The following GNL2 variants were observed in gnomAD, a reference collection of about 807,000 sequenced individuals.
GNL2 encodes the protein nucleolar GTP-binding protein 2.
Under a neutral mutation model 92.3 loss-of-function variants are expected in GNL2, and 51 were observed. The ratio of observed to expected loss-of-function variants is 0.55; its 90% CI spans 0.44 to 0.70. The LOEUF is 0.70. Ranked by LOEUF, GNL2 falls within the 30% of genes least tolerant of loss-of-function variation. The pLI is 0.00. For synonymous variants in GNL2, 283 were observed against 300.6 expected (o/e 0.94, Z 0.61); for missense variants, 844 against 895.6 (o/e 0.94, Z 0.74).
intron 8 of GNL2, among the ~76,000 whole-genome samples, chr1:37,577,989 C>T (rs1396643833): frequency 6.6e-6 from 1 of 152,064 alleles, no homozygotes; most frequent in Non-Finnish European, 1.5e-5. Context: ...AGTGAGATGC[C>T]CAGTCTACTA....
Position 37,566,878 on chromosome 1 carries a change from T to A in GNL2, c.2173A>T (p.Lys725Ter). The change falls in exon 16 of 16, where the codon AAA (lysine) becomes TAA (stop). Residue 725 changes from lysine (K) to a stop codon, truncating the protein, a stop_gained. Transcript: ENST00000373062. LOFTEE classifies it high-confidence loss of function. ...NDSEGQKHKR[K>*]KFRQKQ is the part of the protein sequence containing the mutation. ...CATTACTGCTTTTGTCTGAATTTTT[T>A]GCGTTTGTGTTTCTGTCCCTCTGAG... 6.2e-7 allele frequency: 1 copy of A among 1,613,482 alleles called. No homozygotes were observed. The highest frequency in any genetic ancestry group is 1.7e-5 in the Admixed American group (1 of 59,908).
chr1:37,567,540 T>C (rs1643525724), intron 15 of GNL2, 133 bp downstream of exon 15: 1 of 699,338 alleles, frequency 1.4e-6, no homozygotes, highest in Non-Finnish European at 2.6e-6. Context: ...CGACCCTATT[T>C]ATCTGACCTC....
intron 8 of GNL2, among the ~76,000 whole-genome samples, chr1:37,580,654 C>T (rs1643752179): frequency 6.6e-6 from 1 of 152,206 alleles, no homozygotes; most frequent in Non-Finnish European, 1.5e-5. Flanking sequence ...GCTGCAGCAG[C>T]CTGGAGAGCG....
In GNL2 at chr1:37,574,280, C is replaced by A. The variant is rs75520059; in HGVS notation, c.1416+63G>T. 1.3e-3 allele frequency: 1,256 copies of A among 934,242 alleles called. 5 individuals carry two copies. Among genetic ancestry groups the A allele is most frequent in the Non-Finnish European group, 1.4e-3 (835 of 577,506 alleles). 57.9% of individuals were successfully genotyped at this position (934,242 alleles called of 1,614,324 possible). A position where few individuals can be genotyped will look rare whatever the true frequency, so the allele number is the denominator to read the frequency against. ...CACGCTCTATGAAGAGAGACAATCA[C>A]AAGCTACACCAAATCTAGGTCAGGA... On this transcript the variant is annotated intron_variant, in intron 12 of 15. Transcript: ENST00000373062.
chr1:37,591,090 A>G (rs1570073652), intron 3 of GNL2, among the ~76,000 whole-genome samples: 1 of 152,348 alleles, frequency 6.6e-6, no homozygotes, highest in Non-Finnish European at 1.5e-5. Context: ...TTCCAAGTCC[A>G]GTTTCCTAAC....
intron 8 of GNL2, among the ~76,000 whole-genome samples, chr1:37,579,500 T>C (rs1359007575): frequency 1.3e-5 from 2 of 149,168 alleles, no homozygotes; most frequent in Non-Finnish European, 3.0e-5. Context: ...TGAGCCGAGA[T>C]CGCGCCATTG....
At position 37,566,943 on chromosome 1, in the gene GNL2, T is replaced by C. The variant is rs1336401155; in HGVS notation, c.2108A>G (p.Asn703Ser). Residue 703 changes from asparagine (N) to serine (S), a missense_variant, in exon 16 of 16, where the codon AAC becomes AGC. By Grantham distance (46) the Asn-to-Ser change is conservative (BLOSUM62 1). Transcript: ENST00000373062. Reference sequence around the variant, plus strand: ...TTTGTTCCTGTTCCTATTTTTCACGTTGTGTGTTTCATAGTAGCGCACACC... The same window carrying C: ...TTTGTTCCTGTTCCTATTTTTCACGCTGTGTGTTTCATAGTAGCGCACACC... ...KVGVRYYETH[N>S]VKNRNRNKKK... 1.2e-6 allele frequency: 2 copies of C among 1,614,158 alleles called. No homozygotes were observed. The highest frequency in any genetic ancestry group is 1.7e-5 in the Admixed American group (1 of 60,018).
intron 8 of GNL2, among the ~76,000 whole-genome samples, chr1:37,580,560 G>A (rs1378439874): frequency 1.3e-5 from 2 of 152,168 alleles, no homozygotes; most frequent in Non-Finnish European, 2.9e-5. Flanking sequence ...AAGAAAAGAG[G>A]TCCTATAAAT....
In GNL2 at chr1:37,595,909, C is replaced by G. The variant is rs1281117163; in HGVS notation, c.-87G>C. ...TGTTCCCAAGCCCGGCCGAAGACAC[C>G]CGCCTGAACCACGCCGGACCACGTG... is the stretch of plus-strand genomic sequence containing the variant. On this transcript the variant is annotated 5_prime_UTR_variant, in exon 1 of 16. Transcript: ENST00000373062. 1 of 1,094,850 alleles carries G rather than the reference C, an allele frequency of 9.1e-7. No homozygotes were observed. Among genetic ancestry groups the G allele is most frequent in the Admixed American group, 1.8e-5 (1 of 55,826 alleles). 67.8% of individuals were successfully genotyped at this position (1,094,850 alleles called of 1,614,324 possible). A position where few individuals can be genotyped will look rare whatever the true frequency, so the allele number is the denominator to read the frequency against.
rs34721968 is a variant in GNL2, at chr1:37,591,504, C to CTT, written c.245-661_245-660dup. Reference sequence around the variant, plus strand: ...TCTAAGCACTTTATATATATTTACTCTTTTTTTTTTTTTTTTTTTGAGATG... The same window carrying CTT: ...TCTAAGCACTTTATATATATTTACTCTTTTTTTTTTTTTTTTTTTTTGAGATG... On this transcript the variant is annotated intron_variant, in intron 3 of 15. Coordinates refer to ENST00000373062, the MANE Select transcript of GNL2 (RefSeq NM_013285.3). Among the ~76,000 whole-genome samples the CTT allele has an allele frequency of 1.7e-3, 227 of 135,008 alleles. 3 individuals carry two copies. The highest frequency in any genetic ancestry group is 3.9e-3 in the African/African-American group (139 of 36,012). 88.6% of individuals were successfully genotyped at this position (135,008 alleles called of 152,430 possible).
At chr1:37,587,541 G>T (rs1643864690) in intron 4 of GNL2, 46 bp from the exon 5 acceptor site, 1 of 1,389,354 alleles carries the variant, frequency 7.2e-7, no homozygotes, top group Admixed American at 2.1e-5. Context: ...AAAGCACTGA[G>T]AAAAAGCAAA....
intron 14 of GNL2, 85 bp from the exon 15 acceptor site, chr1:37,567,849 G>T: frequency 9.9e-7 from 1 of 1,008,812 alleles, no homozygotes; most frequent in Non-Finnish European, 1.6e-6. Context: ...TGATGTATCA[G>T]GAGGAGGACA....
intron 4 of GNL2, among the ~76,000 whole-genome samples, chr1:37,587,810 T>C (rs1036015085): frequency 1.3e-5 from 2 of 152,234 alleles, no homozygotes; most frequent in African/African-American, 4.8e-5. Context: ...TTATCATAAA[T>C]TTCAGTCAAA....
chr1:37,567,035 GA>G (rs60396275), intron 15 of GNL2, 28 bp from the exon 16 acceptor site: 9 of 1,593,138 alleles, frequency 5.6e-6, no homozygotes, highest in East Asian at 2.2e-5. Flanking sequence ...AAAAGATGAA[GA>G]AAAAAAACAA....
At chr1:37,585,413 A>AT (rs1643836770) in intron 5 of GNL2, among the ~76,000 whole-genome samples, 1 of 152,204 alleles carries the variant, frequency 6.6e-6, no homozygotes, top group Admixed American at 6.5e-5. Context: ...AAAAAAAAGC[A>AT]TGACTGAATT....
rs757383963 is a variant in GNL2 at position 37,575,631 on chromosome 1, A to C, written c.1107T>G (p.Ser369=). The change falls in exon 10 of 16, where the codon TCT becomes TCG. Residue 369 remains serine, a synonymous_variant. Coordinates refer to ENST00000373062, the MANE Select transcript of GNL2 (RefSeq NM_013285.3). This position sits in a 1 kb window ranked among gnomAD's most constrained non-coding sequence, Gnocchi z 4.1. ...GCACAATGTCTGTCTCGGAGTCCTC[A>C]GAGGGGTAAACCACACCTGGACAGT... The part of the protein sequence containing the change: ...LIDCPGVVYP[S]EDSETDIVLK... 3.7e-6 allele frequency: 6 copies of C among 1,600,152 alleles called. No homozygotes were observed. The South Asian group carries it at 4.5e-5, about 12-fold the overall frequency.
intron 8 of GNL2, among the ~76,000 whole-genome samples, chr1:37,580,426 G>A (rs11577759): frequency 0.051 from 7,743 of 152,240 alleles, 288 homozygotes; most frequent in Non-Finnish European, 0.077. Flanking sequence ...GTAGAATAAA[G>A]ATCTTAATAA....
At chr1:37,570,998 ATAAG>A (rs1209559109) in intron 12 of GNL2, 1 of 152,240 alleles carries the variant, frequency 6.6e-6, no homozygotes, top group Non-Finnish European at 1.5e-5. Context: ...AAATCACTAA[ATAAG>A]TACAGAACTA....
rs1023308679 is a variant in GNL2 at position 37,592,698 on chromosome 1, G to A, written c.244+14C>T. ...TATATTTTGTAGAGCAAAGTAACAG[G>A]GGATAATACTCACCAAACCATTTAA... On this transcript the variant is annotated intron_variant, in intron 3 of 15. Coordinates refer to ENST00000373062, the MANE Select transcript of GNL2 (RefSeq NM_013285.3). 4 of 1,397,500 alleles carry A rather than the reference G, an allele frequency of 2.9e-6. No individual in the cohort carries two copies. The highest frequency in any genetic ancestry group is 2.3e-5 in the South Asian group (2 of 86,210). The allele number at this position is 1,397,500 out of a possible 1,614,324, so 86.6% of individuals were successfully genotyped here.
Sources: allele counts gnomAD v4.1 joint callset (sites outside exome capture counted in the v4.1 genomes callset), GRCh38; gene constraint gnomAD v4.1.1; non-coding constraint Gnocchi (gnomAD v3.1); transcripts MANE v1.5; gene names NCBI Gene and HGNC (gene_info 2026-07-23, HGNC 2026-07-21).